PRKAG2: variants seen among roughly 807,000 people sequenced by gnomAD.
The protein encoded by PRKAG2 is protein kinase AMP-activated non-catalytic subunit gamma 2, also known as 5'-AMP-activated protein kinase subunit gamma-2.
In PRKAG2, 26 loss-of-function variants were observed where a neutral mutation model predicts 69.6. The observed-to-expected ratio is 0.37, with a 90% confidence interval of 0.27 to 0.52. PRKAG2 has a LOEUF of 0.52. PRKAG2 is among the 20% of genes least tolerant of loss of function. PRKAG2 has a pLI of 0.90. For synonymous variants in PRKAG2, 293 were observed against 285.0 expected (o/e 1.03, Z -0.28); for missense variants, 557 against 740.0 (o/e 0.75, Z 2.87).
At position 151,600,166 on chromosome 7, in the gene PRKAG2, T is replaced by C. The variant is rs1815700447; in HGVS notation, c.755-4712A>G. Among the ~76,000 whole-genome samples, 4 of 152,140 alleles carry C rather than the reference T, an allele frequency of 2.6e-5. No homozygotes were observed. The South Asian group carries it at 8.3e-4, about 32-fold the overall frequency. On this transcript the variant is annotated intron_variant, in intron 5 of 15. Coordinates refer to ENST00000287878, the MANE Select transcript of PRKAG2 (RefSeq NM_016203.4). ...TTCCCTCGGCCCGCCACAACTGCTT[T>C]CCCCGTTCTGCCGAAATCCTTCCCT...
In PRKAG2 at chr7:151,556,509, AT is replaced by A. The variant is rs1189137377; in HGVS notation, c.*691del. ...CAGATCCAAACTTAAATAATGAGAA[AT>A]TTGCCATTTCAAAATAACTGAGAGT... On this transcript the variant is annotated 3_prime_UTR_variant, in exon 16 of 16. Coordinates refer to ENST00000287878, the MANE Select transcript of PRKAG2 (RefSeq NM_016203.4). 6.6e-6 allele frequency: 1 copy of A among 152,666 alleles called. No homozygotes were observed. Among genetic ancestry groups the A allele is most frequent in the Non-Finnish European group, 1.5e-5 (1 of 68,072 alleles). The allele number at this position is 152,666 out of a possible 1,614,324, so 9.5% of individuals were successfully genotyped here.
rs1273373711 is a variant in PRKAG2 at position 151,771,233 on chromosome 7, T to C, written c.466+9919A>G. On this transcript the variant is annotated intron_variant, in intron 3 of 15. Transcript: ENST00000287878. The surrounding 1 kb of genome is among the most constrained non-coding windows in gnomAD (Gnocchi z 4.0). ...CTTTATGCTTTTCCCTTAGCTAAAATTTCGATTTCCGCTTTACATTTTTGG... is the reference window on the plus strand; with the variant it reads ...CTTTATGCTTTTCCCTTAGCTAAAACTTCGATTTCCGCTTTACATTTTTGG... Among the ~76,000 whole-genome samples, 1 of 152,228 alleles carries C rather than the reference T, an allele frequency of 6.6e-6. No individual in the cohort carries two copies. Among genetic ancestry groups the C allele is most frequent in the African/African-American group, 2.4e-5 (1 of 41,468 alleles).
intron 4 of PRKAG2, among the ~76,000 whole-genome samples, chr7:151,652,020 A>G (rs1228659763): frequency 1.3e-5 from 2 of 152,210 alleles, no homozygotes; most frequent in African/African-American, 2.4e-5. Flanking sequence ...AAAGACTGCT[A>G]AGTGTAGATT....
intron 6 of PRKAG2, among the ~76,000 whole-genome samples, chr7:151,577,114 C>T (rs911138247): frequency 7.3e-5 from 11 of 151,402 alleles, no homozygotes; most frequent in African/African-American, 2.4e-4. Context: ...TCTGAAAACA[C>T]TGAAGTTGTA....
rs904610397 is a variant in PRKAG2 at position 151,819,522 on chromosome 7, G to A, written c.115-32981C>T. Among the ~76,000 whole-genome samples, 6 of 152,200 alleles carry A rather than the reference G, an allele frequency of 3.9e-5. No homozygotes were observed. The East Asian group carries it at 9.6e-4, about 24-fold the overall frequency. The stretch of plus-strand genomic sequence containing the variant: ...AGATTAGATTAGCTGAGAATAGTTC[G>A]CCCCCCTGCCCCTCCCTGGGTACCT... On this transcript the variant is annotated intron_variant, in intron 1 of 15. Transcript: ENST00000287878.
chr7:151,637,978 T>C (rs1157217564), intron 4 of PRKAG2, among the ~76,000 whole-genome samples: 1 of 152,100 alleles, frequency 6.6e-6, no homozygotes, highest in Non-Finnish European at 1.5e-5. Context: ...GGCAATGTCA[T>C]GCAAGCAAAG....
At chr7:151,755,105 G>A (rs1275596113) in intron 3 of PRKAG2, among the ~76,000 whole-genome samples, 7 of 152,160 alleles carry the variant, frequency 4.6e-5, no homozygotes, top group East Asian at 3.9e-4. Context: ...AGCGGGGGTC[G>A]GGGGCTGGTC....
chr7:151,753,276 T>C, intron 3 of PRKAG2, among the ~76,000 whole-genome samples: 1 of 152,236 alleles, frequency 6.6e-6, no homozygotes, highest in East Asian at 1.9e-4. Flanking sequence ...GCCTGCAGCT[T>C]AGCTGATAGC....
chr7:151,851,158 A>G (rs1292921030), intron 1 of PRKAG2, among the ~76,000 whole-genome samples: 4 of 152,146 alleles, frequency 2.6e-5, no homozygotes, highest in Non-Finnish European at 4.4e-5. Flanking sequence ...CAAAGAAAAA[A>G]GAAACGTCGC....
intron 3 of PRKAG2, among the ~76,000 whole-genome samples, chr7:151,779,509 A>G (rs2076565891): frequency 6.6e-6 from 1 of 152,132 alleles, no homozygotes; most frequent in Non-Finnish European, 1.5e-5. Flanking sequence ...AGACCTTCCC[A>G]TGGGAGCCAG....
chr7:151,599,152 C>T (rs1378989682), intron 5 of PRKAG2, among the ~76,000 whole-genome samples: 2 of 152,052 alleles, frequency 1.3e-5, no homozygotes, highest in African/African-American at 4.8e-5. Context: ...TGTGCCCAGC[C>T]CTAACTGACA....
At chr7:151,634,944 T>TTG (rs200233748) in intron 4 of PRKAG2, among the ~76,000 whole-genome samples, 2,640 of 122,280 alleles carry the variant, frequency 0.022, 73 homozygotes, top group African/African-American at 0.074. Context: ...CCACTGTTTT[T>TTG]TTTTTTTTTT....
chr7:151,802,111 G>A (rs761176383), intron 1 of PRKAG2, among the ~76,000 whole-genome samples: 3 of 152,202 alleles, frequency 2.0e-5, no homozygotes, highest in Non-Finnish European at 2.9e-5. Flanking sequence ...AAGGGTTTGG[G>A]ATCTTTCTTT....
intron 1 of PRKAG2, among the ~76,000 whole-genome samples, chr7:151,830,657 G>A (rs57365287): frequency 0.033 from 5,059 of 151,872 alleles, 298 homozygotes; most frequent in African/African-American, 0.11. Context: ...AAAGAGCCCC[G>A]GGGGCGGGGG....
rs923302804 is a variant in PRKAG2, at chr7:151,756,456, T to A, written c.466+24696A>T. Reference sequence around the variant, plus strand: ...TCAGGCACACGCAACGACTCAGTGGTGCCTCCAGGCGAGCGGGTACCTGCG... The same window carrying A: ...TCAGGCACACGCAACGACTCAGTGGAGCCTCCAGGCGAGCGGGTACCTGCG... On this transcript the variant is annotated intron_variant, in intron 3 of 15. Coordinates refer to ENST00000287878, the MANE Select transcript of PRKAG2 (RefSeq NM_016203.4). The surrounding 1 kb of genome is among the most constrained non-coding windows in gnomAD (Gnocchi z 4.9). 6.6e-6 allele frequency among the ~76,000 whole-genome samples: 1 copy of A among 152,206 alleles called. No homozygotes were observed. Among genetic ancestry groups the A allele is most frequent in the African/African-American group, 2.4e-5 (1 of 41,466 alleles).
intron 8 of PRKAG2, among the ~76,000 whole-genome samples, 155 bp downstream of exon 8, chr7:151,574,736 G>A (rs2151033868): frequency 6.6e-6 from 1 of 152,206 alleles, no homozygotes; most frequent in Non-Finnish European, 1.5e-5. Flanking sequence ...GAAGTTCCCT[G>A]CATGTTATAT....
At chr7:151,853,093 C>T (rs2079617286) in intron 1 of PRKAG2, among the ~76,000 whole-genome samples, 1 of 152,166 alleles carries the variant, frequency 6.6e-6, no homozygotes, top group African/African-American at 2.4e-5. Context: ...TTTACTGTGT[C>T]CCTCGGAGAG....
At chr7:151,610,037 T>TA (rs1818402922) in intron 5 of PRKAG2, among the ~76,000 whole-genome samples, 1 of 152,178 alleles carries the variant, frequency 6.6e-6, no homozygotes, top group Non-Finnish European at 1.5e-5. Flanking sequence ...CTCCACATTT[T>TA]AATATGTCAA....
chr7:151,872,285 T>TG (rs71198738), intron 1 of PRKAG2, among the ~76,000 whole-genome samples: 3,746 of 151,554 alleles, frequency 0.025, 100 homozygotes, highest in South Asian at 0.1. Flanking sequence ...ACCCTTACCC[T>TG]GGGGGGGGGC....
Sources: gnomAD v4.1 joint callset for allele counts (sites outside exome capture counted in the v4.1 genomes callset) on GRCh38, gnomAD v4.1.1 for gene constraint, Gnocchi (gnomAD v3.1) non-coding constraint, MANE v1.5 for transcripts, NCBI Gene and HGNC (gene_info 2026-07-23, HGNC 2026-07-21) for gene names.